HERC1: variants seen among roughly 807,000 people sequenced by gnomAD.
The protein encoded by HERC1 is HECT and RLD domain containing E3 ubiquitin protein ligase family member 1.
In HERC1, 160 loss-of-function variants were observed where a neutral mutation model predicts 554.3. The ratio of observed to expected loss-of-function variants is 0.29; its 90% confidence interval spans 0.25 to 0.33. The LOEUF is 0.33. HERC1 is among the 10% of genes least tolerant of loss of function. The probability of loss-of-function intolerance (pLI) is 1.00; values close to 1 mark genes in which losing one functional copy is unlikely to be tolerated. For synonymous variants in HERC1, 2,175 were observed against 2,131.7 expected (o/e 1.02, Z -0.56); for missense variants, 4,919 against 5,918.5 (o/e 0.83, Z 5.54).
At position 63,649,939 on chromosome 15, in the gene HERC1, A is replaced by G; in HGVS notation, c.10547-14T>C. 1 of 1,553,996 alleles carries G rather than the reference A, an allele frequency of 6.4e-7. No individual in the cohort carries two copies. The highest frequency in any genetic ancestry group is 1.4e-5 in the African/African-American group (1 of 73,414). On this transcript the variant is annotated splice_polypyrimidine_tract_variant and intron_variant, in intron 53 of 77. Transcript: ENST00000443617. The stretch of plus-strand genomic sequence containing the variant: ...ATCCTTTTCCTCCTAAAAGGGAAAA[A>G]ATGTTAACTAGTTTTTACTTAATTC...
At chr15:63,763,078 C>A (rs1001236929) in intron 3 of HERC1, among the ~76,000 whole-genome samples, 6 of 152,198 alleles carry the variant, frequency 3.9e-5, no homozygotes, top group Admixed American at 2.6e-4. Context: ...GAGCTCAGGG[C>A]CTTTGTGGGC....
In HERC1 at chr15:63,827,287, C is replaced by T. The variant is rs375927225; in HGVS notation, c.-27+6540G>A. ...AAATCAACAAATTAGCCAGGTATAG[C>T]GGTGCACACTTGTAGTCCCAGCTAC... On this transcript the variant is annotated intron_variant, in intron 1 of 77. Coordinates refer to ENST00000443617, the MANE Select transcript of HERC1 (RefSeq NM_003922.4). Among the ~76,000 whole-genome samples, 14 of 151,982 alleles carry T rather than the reference C, an allele frequency of 9.2e-5. No homozygotes were observed. In the South Asian group the frequency reaches 2.9e-3, roughly 32 times the overall value.
intron 1 of HERC1, among the ~76,000 whole-genome samples, chr15:63,815,632 C>T (rs2077467411): frequency 6.6e-6 from 1 of 152,122 alleles, no homozygotes; most frequent in African/African-American, 2.4e-5. Flanking sequence ...TCTTATTTAC[C>T]TATCAAAAGT....
intron 60 of HERC1, among the ~76,000 whole-genome samples, chr15:63,641,083 TTCAG>T (rs1461659814): frequency 4.6e-5 from 7 of 152,210 alleles, no homozygotes; most frequent in Non-Finnish European, 8.8e-5. Context: ...GGAGACGATA[TTCAG>T]TCTGATACCC....
chr15:63,747,018 G>A lies in HERC1; in HGVS notation c.2420C>T (p.Ala807Val), dbSNP rs1039999630. ...GAGAATGCTGGTAGCTACCCCTCCC[G>A]CAAGTGCAAGAGCAAGGTGATTTGA... is the stretch of plus-strand genomic sequence containing the variant. ...LLSNHLALAL[A>V]GGVATSILGR... Residue 807 changes from alanine to valine, a missense_variant, in exon 12 of 78, where the codon GCG becomes GTG. Ala to Val is a moderately conservative substitution (Grantham distance 64). Transcript: ENST00000443617. The A allele has an allele frequency of 9.4e-6, 15 of 1,588,992 alleles. No homozygotes were observed. The highest frequency in any genetic ancestry group is 2.3e-5 in the South Asian group (2 of 86,504).
intron 1 of HERC1, among the ~76,000 whole-genome samples, chr15:63,805,501 C>T (rs925861359): frequency 4.6e-5 from 7 of 152,098 alleles, no homozygotes; most frequent in African/African-American, 1.7e-4. Flanking sequence ...AGATTACAGC[C>T]AAGACATAAA....
chr15:63,778,662 T>C (rs2076184713), intron 1 of HERC1, among the ~76,000 whole-genome samples: 1 of 152,196 alleles, frequency 6.6e-6, no homozygotes, highest in East Asian at 1.9e-4. Flanking sequence ...TGGACTTTGC[T>C]ATATTGACTG....
In HERC1 at chr15:63,637,629, C is replaced by G. The variant is rs1295956354; in HGVS notation, c.12108G>C (p.Gln4036His). The G allele has an allele frequency of 1.3e-6, 2 of 1,551,176 alleles. No individual in the cohort carries two copies. The highest frequency in any genetic ancestry group is 1.7e-6 in the Non-Finnish European group (2 of 1,146,738). The change falls in exon 64 of 78, where the codon CAG becomes CAC. Residue 4036 changes from glutamine to histidine, a missense_variant. This residue lies in a region of HERC1 where 122 missense variants were observed against 195.2 expected (regional missense o/e 0.63). Transcript: ENST00000443617. ...FSQAQQVICG[Q>H]NCTFVIQANG... ...TGGCCTGGATGACAAAGGTACAATT[C>G]TGACCACAAATGACCTAGTATAAAA...
In HERC1 at chr15:63,694,667, T is replaced by G. The variant is rs1251710962; in HGVS notation, c.5242+107A>C. 1.3e-6 allele frequency: 2 copies of G among 1,485,172 alleles called. No individual in the cohort carries two copies. The highest frequency in any genetic ancestry group is 3.4e-5 in the Admixed American group (2 of 58,562). 92.0% of individuals were successfully genotyped at this position (1,485,172 alleles called of 1,614,324 possible). ...CACTAAATTATTTATTCTTTACCTA[T>G]AAGTTTATCTACTAATGTTAAACAC... On this transcript the variant is annotated intron_variant, in intron 28 of 77. Coordinates refer to ENST00000443617, the MANE Select transcript of HERC1 (RefSeq NM_003922.4). This position sits in a 1 kb window ranked among gnomAD's most constrained non-coding sequence, Gnocchi z 4.3.
In HERC1 at chr15:63,659,744, A is replaced by G; in HGVS notation, c.9416T>C (p.Met3139Thr). 6.2e-7 allele frequency: 1 copy of G among 1,612,816 alleles called. No homozygotes were observed. The highest frequency in any genetic ancestry group is 8.5e-7 in the Non-Finnish European group (1 of 1,178,810). ...TATNSMEETL[M>T]QIGCHGSVEK... ...TCAGGATTTCAGTTTACCTATTTGCATCAGAGTCTCTTCCATACTGTTGGT... is the reference window on the plus strand; with the variant it reads ...TCAGGATTTCAGTTTACCTATTTGCGTCAGAGTCTCTTCCATACTGTTGGT... The change falls in exon 47 of 78, where the codon ATG becomes ACG. Residue 3139 changes from methionine (M) to threonine (T), a missense_variant. Physicochemically the swap from Met to Thr is moderately conservative, Grantham distance 81. Coordinates refer to ENST00000443617, the MANE Select transcript of HERC1 (RefSeq NM_003922.4).
intron 11 of HERC1, 119 bp from the exon 12 acceptor site, chr15:63,747,202 G>A: frequency 2.5e-6 from 2 of 802,382 alleles, no homozygotes; most frequent in East Asian, 5.5e-5. Flanking sequence ...GCTCATGCCT[G>A]TAATCCCAGC....
At position 63,628,773 on chromosome 15, in the gene HERC1, C is replaced by T. The variant is rs1375122311; in HGVS notation, c.13009G>A (p.Val4337Ile). 2.9e-5 allele frequency: 47 copies of T among 1,613,772 alleles called. No homozygotes were observed. Among genetic ancestry groups the T allele is most frequent in the Non-Finnish European group, 3.6e-5 (43 of 1,179,874 alleles). The change falls in exon 70 of 78, where the codon GTA becomes ATA. Residue 4337 changes from valine (V) to isoleucine (I), a missense_variant. Coordinates refer to ENST00000443617, the MANE Select transcript of HERC1 (RefSeq NM_003922.4). ...ACATTTTTCCCTTGCAGACCTGTTA[C>T]CAGGGTTGGTTCTCGAACATGGTTG... ...HTNHVREPTL[V>I]TGLQGKNVRQ... is the part of the protein sequence containing the mutation.
chr15:63,701,775 A>T (rs1303662010), intron 25 of HERC1, among the ~76,000 whole-genome samples: 1 of 150,866 alleles, frequency 6.6e-6, no homozygotes, highest in African/African-American at 2.5e-5. Context: ...GACTTAAAAC[A>T]CAAAAATTTA....
chr15:63,683,336 T>A (rs960092269), intron 34 of HERC1, among the ~76,000 whole-genome samples: 5 of 152,162 alleles, frequency 3.3e-5, no homozygotes, highest in Admixed American at 2.6e-4. Context: ...AACAAGTGTC[T>A]ATAACTGGTG....
intron 36 of HERC1, among the ~76,000 whole-genome samples, chr15:63,678,941 GT>G (rs2071338243): frequency 6.6e-6 from 1 of 152,152 alleles, no homozygotes; most frequent in African/African-American, 2.4e-5. Flanking sequence ...GTCTCCTACA[GT>G]TATTTTAAAG....
chr15:63,729,281 G>A lies in HERC1; in HGVS notation c.3109C>T (p.Leu1037Phe). 1 of 1,609,140 alleles carries A rather than the reference G, an allele frequency of 6.2e-7. No individual in the cohort carries two copies. The highest frequency in any genetic ancestry group is 8.5e-7 in the Non-Finnish European group (1 of 1,178,428). ...CTGCCATTCCAAGGACTTTCTTTGA[G>A]CAAATTTGCAGAACGTGAATAAATA... ...TDIYSRSANL[L>F]KESPWNGSVG... Residue 1037 changes from leucine (L) to phenylalanine (F), a missense_variant, in exon 16 of 78, where the codon CTC becomes TTC. By Grantham distance (22) the Leu-to-Phe change is conservative. Coordinates refer to ENST00000443617, the MANE Select transcript of HERC1 (RefSeq NM_003922.4).
intron 34 of HERC1, among the ~76,000 whole-genome samples, chr15:63,682,132 TA>T (rs1351641796): frequency 6.6e-6 from 1 of 151,994 alleles, no homozygotes; most frequent in African/African-American, 2.4e-5. Context: ...AAGGAAAAGA[TA>T]AAACTCTGGT....
intron 12 of HERC1, 136 bp downstream of exon 12, chr15:63,746,782 T>A: frequency 1.3e-6 from 1 of 759,334 alleles, no homozygotes; most frequent in African/African-American, 1.8e-5. Context: ...CCAAAAATAC[T>A]CTCACCAAGA....
At chr15:63,721,787 T>TA (rs1183195072) in intron 19 of HERC1, among the ~76,000 whole-genome samples, 2 of 152,114 alleles carry the variant, frequency 1.3e-5, no homozygotes, top group Non-Finnish European at 2.9e-5. Flanking sequence ...CGATCATCGT[T>TA]AAAAAAACAA....
Sources: allele counts gnomAD v4.1 joint callset (sites outside exome capture counted in the v4.1 genomes callset), GRCh38; gene constraint gnomAD v4.1.1; regional missense constraint gnomAD v4.1.1; non-coding constraint Gnocchi (gnomAD v3.1); transcripts MANE v1.5; gene names NCBI Gene and HGNC (gene_info 2026-07-23, HGNC 2026-07-21).